The following LIPJ variants were observed in gnomAD, a reference collection of about 807,000 sequenced individuals.
The protein encoded by LIPJ is lipase family member J.
Under a neutral mutation model 39.8 loss-of-function variants are expected in LIPJ, and 33 were observed. That is an observed-to-expected ratio of 0.83 (90% CI 0.63 to 1.11). LIPJ has a LOEUF of 1.11. Ranked by LOEUF, LIPJ falls within the 50% of genes least tolerant of loss-of-function variation. LIPJ has a pLI of 0.00. For missense variants in LIPJ, 422 were observed against 427.9 expected, an observed-to-expected ratio of 0.99 and a Z score of 0.12; for synonymous variants, 128 against 139.2, an observed-to-expected ratio of 0.92 and a Z score of 0.57.
At chr10:88,598,804 G>T (rs1267954494) in intron 8 of LIPJ, among the ~76,000 whole-genome samples, 6 of 151,662 alleles carry the variant, frequency 4.0e-5, no homozygotes, top group African/African-American at 1.4e-4. Flanking sequence ...GAGTGTACCA[G>T]AAAACTAAGC....
intron 9 of LIPJ, among the ~76,000 whole-genome samples, chr10:88,603,338 A>C (rs1014959826): frequency 1.3e-5 from 2 of 152,154 alleles, no homozygotes; most frequent in Non-Finnish European, 2.9e-5. Flanking sequence ...ACTAGACTGC[A>C]CTTTCTCCTC....
intron 6 of LIPJ, 132 bp from the exon 7 acceptor site, chr10:88,596,147 TA>T (rs1438238577): frequency 3.5e-6 from 2 of 567,332 alleles, no homozygotes; most frequent in African/African-American, 2.0e-5. Flanking sequence ...AAATGTTTGA[TA>T]AATGAATTAA....
rs559851894 is a variant in LIPJ, at chr10:88,593,814, C to T, written c.131-132C>T. The T allele has an allele frequency of 1.8e-5, 12 of 679,764 alleles. No individual in the cohort carries two copies. The African/African-American group carries it at 2.2e-4, about 12-fold the overall frequency. 42.1% of individuals were successfully genotyped at this position (679,764 alleles called of 1,614,324 possible). ...ATACAACGGGATTAAATCTTAATAA[C>T]TTACCCCACTTATGAAAACAATTTT... is the stretch of plus-strand genomic sequence containing the variant. On this transcript the variant is annotated intron_variant, in intron 4 of 10. Transcript: ENST00000371939.
At chr10:88,605,100 C>T (rs1026488062) in intron 9 of LIPJ, among the ~76,000 whole-genome samples, 40 of 152,088 alleles carry the variant, frequency 2.6e-4, no homozygotes, top group Admixed American at 2.5e-3. Context: ...GTGCTGCCAA[C>T]GGATAACATG....
the LIPJ span, among the ~76,000 whole-genome samples, chr10:88,616,394 C>T: frequency 3.9e-5 from 6 of 152,138 alleles, no homozygotes; most frequent in Non-Finnish European, 8.8e-5. Context: ...CCCCCAGGGC[C>T]GACTGGAATC....
the LIPJ span, among the ~76,000 whole-genome samples, chr10:88,617,501 T>C: frequency 6.6e-5 from 10 of 152,114 alleles, no homozygotes; most frequent in African/African-American, 2.2e-4. Flanking sequence ...TCCAGAAATA[T>C]CAGTTTTTGT....
exon 11 of LIPJ, chr10:88,606,936 C>T: frequency 7.0e-7 from 1 of 1,424,758 alleles, no homozygotes; most frequent in Non-Finnish European, 9.2e-7. Flanking sequence ...GTTTAAAGAT[C>T]TACATCATTC....
chr10:88,612,695 AATATATACGC>A, the LIPJ span, among the ~76,000 whole-genome samples: 1 of 152,192 alleles, frequency 6.6e-6, no homozygotes, highest in Non-Finnish European at 1.5e-5. Context: ...CACAATTCTA[AATATATACGC>A]ACCTTACACT....
At chr10:88,618,208 ATGGTAGATACCT>A in the LIPJ span, 4 of 152,126 alleles carry the variant, frequency 2.6e-5, no homozygotes, top group Non-Finnish European at 5.9e-5. Flanking sequence ...AACAATAATC[ATGGTAGATACCT>A]TGTTTTATCT....
the LIPJ span, among the ~76,000 whole-genome samples, chr10:88,622,437 T>G: frequency 1.3e-5 from 2 of 152,220 alleles, no homozygotes; most frequent in Non-Finnish European, 2.9e-5. Flanking sequence ...AAGGCAGTTC[T>G]GAAACTTTAG....
At chr10:88,616,524 C>T in the LIPJ span, among the ~76,000 whole-genome samples, 1 of 152,254 alleles carries the variant, frequency 6.6e-6, no homozygotes, top group Non-Finnish European at 1.5e-5. Context: ...GAGGCCCGAC[C>T]TGCTGAGGCC....
At chr10:88,599,649 G>A (rs1007057916) in intron 8 of LIPJ, among the ~76,000 whole-genome samples, 1 of 149,922 alleles carries the variant, frequency 6.7e-6, no homozygotes, top group Non-Finnish European at 1.5e-5. Context: ...GTGTATGTAT[G>A]TATATATATA....
At chr10:88,583,207 G>A (rs758325836), upstream of LIPJ, 21 of 1,613,140 alleles carry the variant, frequency 1.3e-5, no homozygotes, top group Admixed American at 1.7e-4. Context: ...AGGGAGCAGC[G>A]ATCCGCGCTG....
chr10:88,603,189 G>GA (rs1442770308), intron 9 of LIPJ, among the ~76,000 whole-genome samples: 1 of 152,100 alleles, frequency 6.6e-6, no homozygotes, highest in Non-Finnish European at 1.5e-5. Context: ...TTACAAATAA[G>GA]AAAATGTTAC....
intron 10 of LIPJ, 24 bp from the exon 11 acceptor site, chr10:88,606,650 A>G (rs1365868509): frequency 6.3e-6 from 9 of 1,429,858 alleles, no homozygotes; most frequent in Middle Eastern, 3.5e-4. Context: ...TATGAAAACT[A>G]TTTTTTCACT....
the LIPJ span, among the ~76,000 whole-genome samples, chr10:88,613,916 A>T: frequency 4.6e-4 from 69 of 148,686 alleles, 1 homozygote; most frequent in South Asian, 0.014. Context: ...AAAATATGTT[A>T]AAAATGTATA....
intron 2 of LIPJ, 51 bp from the exon 3 acceptor site, chr10:88,590,534 G>A: frequency 3.4e-6 from 2 of 580,182 alleles, no homozygotes; most frequent in Non-Finnish European, 6.2e-6. Context: ...TTTATAAATG[G>A]TATTATTTGC....
chr10:88,611,334 C>A (rs1448622776), downstream of LIPJ, among the ~76,000 whole-genome samples: 1 of 152,164 alleles, frequency 6.6e-6, no homozygotes, highest in Non-Finnish European at 1.5e-5. Flanking sequence ...AAAAACAATT[C>A]TGGTAATATG....
chr10:88,619,571 G>C, the LIPJ span, among the ~76,000 whole-genome samples: 1 of 151,702 alleles, frequency 6.6e-6, no homozygotes, highest in African/African-American at 2.4e-5. Context: ...AGTGGGGGTT[G>C]ATGATTGCCT....
Sources: allele counts gnomAD v4.1 joint callset (sites outside exome capture counted in the v4.1 genomes callset), GRCh38; gene constraint gnomAD v4.1.1; transcripts MANE v1.5; gene names NCBI Gene and HGNC (gene_info 2026-07-23, HGNC 2026-07-21).